MALRD1: variants seen among roughly 807,000 people sequenced by gnomAD.
The protein encoded by MALRD1 is MAM and LDL-receptor class A domain-containing protein 1.
In MALRD1, 247 loss-of-function variants were observed where a neutral mutation model predicts 242.1. The ratio of observed to expected loss-of-function variants is 1.02; its 90% CI spans 0.92 to 1.13. MALRD1 has a LOEUF of 1.13. Among genes scored for constraint, MALRD1 ranks in the 50% most tolerant of loss-of-function variants. MALRD1 has a pLI of 0.00. For missense variants in MALRD1, 2,989 were observed against 2,533.1 expected, an observed-to-expected ratio of 1.18 and a Z score of -3.86; for synonymous variants, 995 against 866.6, an observed-to-expected ratio of 1.15 and a Z score of -2.60.
chr10:19,361,669 G>A (rs1405424987), intron 26 of MALRD1, among the ~76,000 whole-genome samples: 1 of 152,096 alleles, frequency 6.6e-6, no homozygotes, highest in Admixed American at 6.6e-5. Context: ...TGTGACTTCT[G>A]TATTGGTAGT....
chr10:19,633,267 C>CT (rs768439252), intron 36 of MALRD1, among the ~76,000 whole-genome samples: 14 of 152,038 alleles, frequency 9.2e-5, no homozygotes, highest in Non-Finnish European at 1.9e-4. Flanking sequence ...AGAGAGACGA[C>CT]TTTTCAAGAT....
intron 29 of MALRD1, among the ~76,000 whole-genome samples, chr10:19,485,216 T>C (rs1837184606): frequency 6.6e-6 from 1 of 152,176 alleles, no homozygotes; most frequent in African/African-American, 2.4e-5. Flanking sequence ...TGAAAAACTA[T>C]CTGATGAGTG....
chr10:19,308,152 T>G (rs967319135), intron 21 of MALRD1, among the ~76,000 whole-genome samples: 2 of 151,556 alleles, frequency 1.3e-5, no homozygotes, highest in Non-Finnish European at 3.0e-5. Context: ...TTTATACTCA[T>G]TAACTATCCC....
At chr10:19,622,534 C>T (rs1839451251) in intron 36 of MALRD1, among the ~76,000 whole-genome samples, 1 of 151,432 alleles carries the variant, frequency 6.6e-6, no homozygotes, top group Admixed American at 6.6e-5. Context: ...CTAGATAATT[C>T]TATAAGTTTA....
At chr10:19,161,097 C>T (rs1324205281) in intron 12 of MALRD1, among the ~76,000 whole-genome samples, 2 of 142,864 alleles carry the variant, frequency 1.4e-5, no homozygotes, top group African/African-American at 5.2e-5. Flanking sequence ...AGACTTGGAA[C>T]CAACCCAAAT....
intron 32 of MALRD1, among the ~76,000 whole-genome samples, chr10:19,552,526 C>T (rs1488841484): frequency 2.6e-5 from 4 of 151,728 alleles, no homozygotes; most frequent in African/African-American, 7.3e-5. Flanking sequence ...AGTGCCAGCG[C>T]CTGGATTTGT....
At chr10:19,435,514 T>C (rs971243497) in intron 28 of MALRD1, among the ~76,000 whole-genome samples, 1 of 152,160 alleles carries the variant, frequency 6.6e-6, no homozygotes, top group Non-Finnish European at 1.5e-5. Context: ...TTTTAAGGCA[T>C]ACTGATCAGG....
chr10:19,208,215 G>T (rs1222377085), intron 17 of MALRD1, among the ~76,000 whole-genome samples: 1 of 152,118 alleles, frequency 6.6e-6, no homozygotes, highest in African/African-American at 2.4e-5. Context: ...CAAGTTGGAA[G>T]TTGCAGCTCA....
In MALRD1 at chr10:19,209,545, G is replaced by C; in HGVS notation, c.2856G>C (p.Lys952Asn). The stretch of plus-strand genomic sequence containing the variant: ...GCTTCTATTACCACATGTTTGGAAA[G>C]CGCATTTATAGGTTGGCAATCTACC... ...TFRFYYHMFG[K>N]RIYRLAIYQR... Residue 952 changes from lysine (K) to asparagine (N), a missense_variant, in exon 18 of 40, where the codon AAG becomes AAC. Lys to Asn is a moderately conservative substitution (Grantham distance 94). Coordinates refer to ENST00000454679, the MANE Select transcript of MALRD1 (RefSeq NM_001142308.3). 3 of 1,550,816 alleles carry C rather than the reference G, an allele frequency of 1.9e-6. No individual in the cohort carries two copies. In the South Asian group the frequency reaches 3.6e-5, roughly 18 times the overall value.
intron 29 of MALRD1, among the ~76,000 whole-genome samples, chr10:19,460,849 GA>G (rs375528583): frequency 6.1e-4 from 93 of 152,304 alleles, no homozygotes; most frequent in Middle Eastern, 6.8e-3. Flanking sequence ...TAACTCATCT[GA>G]AAACGTTGGT....
At chr10:19,279,656 G>A (rs1840708926) in intron 19 of MALRD1, among the ~76,000 whole-genome samples, 1 of 152,180 alleles carries the variant, frequency 6.6e-6, no homozygotes, top group African/African-American at 2.4e-5. Flanking sequence ...ATTTATTGTA[G>A]CAGTGGAAGA....
At chr10:19,145,717 A>G (rs1331397809) in intron 10 of MALRD1, among the ~76,000 whole-genome samples, 1 of 151,682 alleles carries the variant, frequency 6.6e-6, no homozygotes, top group Non-Finnish European at 1.5e-5. Flanking sequence ...ATTTACCTGC[A>G]ATTCCAAAAT....
chr10:19,530,364 T>C (rs1429676853), intron 31 of MALRD1, among the ~76,000 whole-genome samples: 1 of 105,154 alleles, frequency 9.5e-6, no homozygotes, highest in Non-Finnish European at 1.7e-5. Context: ...AATATTTATA[T>C]AAATATTTAT....
intron 13 of MALRD1, among the ~76,000 whole-genome samples, chr10:19,166,255 C>A (rs1834681575): frequency 6.6e-6 from 1 of 152,170 alleles, no homozygotes; most frequent in African/African-American, 2.4e-5. Flanking sequence ...TTTCTGCTGC[C>A]TGGTAACATT....
intron 32 of MALRD1, among the ~76,000 whole-genome samples, chr10:19,554,193 G>A (rs183720686): frequency 1.3e-5 from 2 of 152,196 alleles, no homozygotes; most frequent in Non-Finnish European, 2.9e-5. Context: ...ATAAAGTAAG[G>A]AGGTTTGTTT....
intron 28 of MALRD1, among the ~76,000 whole-genome samples, chr10:19,430,151 G>T (rs901804980): frequency 9.3e-6 from 1 of 107,826 alleles, no homozygotes; most frequent in Non-Finnish European, 1.7e-5. Context: ...GGCTCACTCT[G>T]TTGCCCAGGC....
intron 24 of MALRD1, 24 bp from the exon 25 acceptor site, chr10:19,347,747 C>G (rs748235098): frequency 1.9e-6 from 3 of 1,548,192 alleles, no homozygotes; most frequent in Admixed American, 2.0e-5. Context: ...TTTTCTGTAA[C>G]ATATATTTGG....
intron 28 of MALRD1, among the ~76,000 whole-genome samples, chr10:19,435,717 G>A (rs889383063): frequency 6.6e-6 from 1 of 152,116 alleles, no homozygotes; most frequent in African/African-American, 2.4e-5. Context: ...AAGTTGTCAA[G>A]TTCCTTCCCA....
At chr10:19,174,497 G>T (rs1252346394) in intron 13 of MALRD1, among the ~76,000 whole-genome samples, 1 of 151,968 alleles carries the variant, frequency 6.6e-6, no homozygotes, top group Non-Finnish European at 1.5e-5. Flanking sequence ...CCACTATGCA[G>T]GTTCATAAGA....
Sources: allele counts gnomAD v4.1 joint callset (sites outside exome capture counted in the v4.1 genomes callset), GRCh38; gene constraint gnomAD v4.1.1; transcripts MANE v1.5; gene names NCBI Gene and HGNC (gene_info 2026-07-23, HGNC 2026-07-21).